SLC8B1: variants seen among roughly 807,000 people sequenced by gnomAD.
SLC8B1 encodes the protein mitochondrial sodium/calcium exchanger protein.
SLC8B1 carries 52 observed loss-of-function variants against 63.4 expected under a neutral mutation model. The ratio of observed to expected loss-of-function variants is 0.82; its 90% CI spans 0.66 to 1.03. SLC8B1 has a LOEUF of 1.03. SLC8B1 is among the 50% of genes least tolerant of loss of function. SLC8B1 has a pLI of 0.00. For missense variants in SLC8B1, 657 were observed against 741.7 expected, an observed-to-expected ratio of 0.89 and a Z score of 1.33; for synonymous variants, 336 against 323.9, an observed-to-expected ratio of 1.04 and a Z score of -0.40.
At chr12:113,303,136 C>T (rs1956619646) in intron 15 of SLC8B1, among the ~76,000 whole-genome samples, 1 of 148,570 alleles carries the variant, frequency 6.7e-6, no homozygotes, top group Non-Finnish European at 1.5e-5. Context: ...CACACACACA[C>T]ACACACGCGC....
rs965854853 is a variant in SLC8B1 at position 113,307,576 on chromosome 12, T to C, written c.1411+115A>G. The C allele has an allele frequency of 1.0e-5, 13 of 1,297,450 alleles. No individual in the cohort carries two copies. The Admixed American group carries it at 1.7e-4, about 17-fold the overall frequency. 80.4% of individuals were successfully genotyped at this position (1,297,450 alleles called of 1,614,324 possible). A position where few individuals can be genotyped will look rare whatever the true frequency, so the allele number is the denominator to read the frequency against. ...ACAGTGACAGGGGACACTGCACAGG[T>C]GCAGAGGGCAGACACCCTGGACACT... On this transcript the variant is annotated intron_variant, in intron 13 of 15. Transcript: ENST00000680972.
At chr12:113,307,545 C>T in intron 13 of SLC8B1, 146 bp downstream of exon 13, 2 of 974,502 alleles carry the variant, frequency 2.1e-6, no homozygotes, top group South Asian at 2.0e-5. Flanking sequence ...CAATGCTGGC[C>T]ACTCCACAGT....
chr12:113,309,231 C>T (rs1167812226), intron 12 of SLC8B1, among the ~76,000 whole-genome samples: 3 of 149,434 alleles, frequency 2.0e-5, no homozygotes, highest in Non-Finnish European at 3.0e-5. Flanking sequence ...TGCCATGATG[C>T]GATCTCATCT....
At chr12:113,307,877 G>A in intron 12 of SLC8B1, 33 bp from the exon 13 acceptor site, 2 of 1,603,122 alleles carry the variant, frequency 1.2e-6, no homozygotes, top group Non-Finnish European at 1.7e-6. Context: ...TGGGACCAAG[G>A]CCAGCCCCAA....
chr12:113,304,348 C>G lies in SLC8B1; in HGVS notation c.1530G>C (p.Gln510His). 1 of 1,614,056 alleles carries G rather than the reference C, an allele frequency of 6.2e-7. No individual in the cohort carries two copies. Among genetic ancestry groups the G allele is most frequent in the Non-Finnish European group, 8.5e-7 (1 of 1,179,948 alleles). ...TCACTTCTGTGTGGCTTCGGGAGAT[C>G]TGGAGCAGGCAGCCCAGCCCCACAC... Reference protein sequence around the residue: ...LVGVGLGCLLQISRSHTEVKL... With the variant: ...LVGVGLGCLLHISRSHTEVKL... The change falls in exon 15 of 16, where the codon CAG becomes CAC. Residue 510 changes from glutamine (Q) to histidine (H), a missense_variant. By Grantham distance (24) the Gln-to-His change is conservative. Coordinates refer to ENST00000680972, the MANE Select transcript of SLC8B1 (RefSeq NM_001358345.2).
intron 2 of SLC8B1, among the ~76,000 whole-genome samples, chr12:113,327,020 T>A (rs1018626374): frequency 1.3e-5 from 2 of 152,092 alleles, no homozygotes; most frequent in Non-Finnish European, 2.9e-5. Flanking sequence ...AAAGCAACAG[T>A]CAGGCTGGGC....
rs568548681 is a variant in SLC8B1 at position 113,322,162 on chromosome 12, T to C, written c.157-814A>G. On this transcript the variant is annotated intron_variant, in intron 2 of 15. Transcript: ENST00000680972. ...GCAATACTGCATTTAGCTTGGGGAA[T>C]AGAATGAGATCTTGTCTCAAAAAAA... Among the ~76,000 whole-genome samples, 12 of 151,790 alleles carry C rather than the reference T, an allele frequency of 7.9e-5. No homozygotes were observed. The South Asian group carries it at 1.5e-3, about 18-fold the overall frequency.
At position 113,308,063 on chromosome 12, in the gene SLC8B1, A is replaced by G; in HGVS notation, c.1258-219T>C. On this transcript the variant is annotated intron_variant, in intron 12 of 15. Transcript: ENST00000680972. Reference sequence around the variant, plus strand: ...TTTTTTCCTTAATAAACTCCCTTTCAGGCCGGGCACGGTGGCTCACCGCCT... The same window carrying G: ...TTTTTTCCTTAATAAACTCCCTTTCGGGCCGGGCACGGTGGCTCACCGCCT... 19 of 527,788 alleles carry G rather than the reference A, an allele frequency of 3.6e-5. 1 individual carries two copies. The South Asian group carries it at 5.2e-4, about 14-fold the overall frequency. The allele number at this position is 527,788 out of a possible 1,614,324, so 32.7% of individuals were successfully genotyped here.
Position 113,321,176 on chromosome 12 carries a change from C to G in SLC8B1, c.309+20G>C, listed in dbSNP as rs115680638. ...GGAGACACCAGCCCCTCTCACCAGC[C>G]CCCCAGGGCAGGGCCTCACGTAGAG... On this transcript the variant is annotated intron_variant, in intron 3 of 15. Transcript: ENST00000680972. 1 of 1,613,860 alleles carries G rather than the reference C, an allele frequency of 6.2e-7. No individual in the cohort carries two copies. The highest frequency in any genetic ancestry group is 8.5e-7 in the Non-Finnish European group (1 of 1,179,908).
chr12:113,310,330 G>C lies in SLC8B1; in HGVS notation c.1161C>G (p.Leu387=). 1 of 1,613,974 alleles carries C rather than the reference G, an allele frequency of 6.2e-7. No individual in the cohort carries two copies. Residue 387 remains leucine, a synonymous_variant, in exon 12 of 16, where the codon CTC becomes CTG. Coordinates refer to ENST00000680972, the MANE Select transcript of SLC8B1 (RefSeq NM_001358345.2). ...TCACCACCACGACCCAGACGGGAACGAGGCCGCCTATCTCATAGACACCAT... is the reference window on the plus strand; with the variant it reads ...TCACCACCACGACCCAGACGGGAACCAGGCCGCCTATCTCATAGACACCAT... ...GTYGVYEIGG[L]VPVWVVVVIA...
chr12:113,327,200 A>C (rs1365333797), intron 2 of SLC8B1, among the ~76,000 whole-genome samples: 4 of 152,178 alleles, frequency 2.6e-5, no homozygotes, highest in Non-Finnish European at 4.4e-5. Context: ...CCAGGGAAGC[A>C]GGCGGGCTGC....
intron 15 of SLC8B1, chr12:113,302,186 A>C (rs1417023428): frequency 3.8e-5 from 6 of 157,416 alleles, no homozygotes; most frequent in African/African-American, 1.4e-4. Context: ...GTTTCAAGAT[A>C]CAATCATCTT....
chr12:113,316,439 C>T, intron 10 of SLC8B1, 87 bp downstream of exon 10: 1 of 1,513,674 alleles, frequency 6.6e-7, no homozygotes, highest in East Asian at 2.3e-5. Context: ...ACCCCAGGCC[C>T]TCCCCCTCGT....
chr12:113,332,848 C>T lies in SLC8B1; in HGVS notation c.31G>A (p.Ala11Thr), dbSNP rs1957074533. Residue 11 changes from alanine to threonine, a missense_variant, in exon 2 of 16, where the codon GCA (alanine) becomes ACA (threonine). Coordinates refer to ENST00000680972, the MANE Select transcript of SLC8B1 (RefSeq NM_001358345.2). ...AGCAGCACACAAAGCACACTCAGTG[C>T]CCAGCGCAGATTCAGCCTTCTGCCG... MAGRRLNLRW[A>T]LSVLCVLLMA... 1.2e-6 allele frequency: 2 copies of T among 1,614,186 alleles called. No homozygotes were observed. The highest frequency in any genetic ancestry group is 1.3e-5 in the African/African-American group (1 of 75,078).
chr12:113,308,118 G>A (rs913894571), intron 12 of SLC8B1: 13 of 300,954 alleles, frequency 4.3e-5, no homozygotes, highest in Non-Finnish European at 6.8e-5. Context: ...AGGCCGAGGC[G>A]GGCAGATCAC....
At chr12:113,303,630 T>C (rs1437870071) in intron 15 of SLC8B1, among the ~76,000 whole-genome samples, 1 of 152,174 alleles carries the variant, frequency 6.6e-6, no homozygotes, top group African/African-American at 2.4e-5. Flanking sequence ...TGTTTGCATG[T>C]GAGGCAGATT....
rs566677866 is a variant in SLC8B1, at chr12:113,299,323, T to G, written c.*454A>C. 8.2e-4 allele frequency: 155 copies of G among 188,038 alleles called. No individual in the cohort carries two copies. Among genetic ancestry groups the G allele is most frequent in the African/African-American group, 3.3e-3 (145 of 43,458 alleles). 11.6% of individuals were successfully genotyped at this position (188,038 alleles called of 1,614,324 possible). On this transcript the variant is annotated 3_prime_UTR_variant, in exon 16 of 16. Transcript: ENST00000680972. ...TGATTCCCAGGGGTCCAAGCCACCC[T>G]CATTCTCTGAGTCAGGGTTGGGCAG... is the stretch of plus-strand genomic sequence containing the variant.
chr12:113,312,342 G>A (rs1038836308), intron 11 of SLC8B1, among the ~76,000 whole-genome samples: 2 of 152,208 alleles, frequency 1.3e-5, no homozygotes, highest in African/African-American at 4.8e-5. Context: ...ACTGAGGCAG[G>A]AGAATCATTT....
intron 9 of SLC8B1, 71 bp downstream of exon 9, chr12:113,316,871 G>A (rs190342887): frequency 3.9e-6 from 6 of 1,555,656 alleles, no homozygotes; most frequent in East Asian, 2.3e-5. Context: ...AGGTCTTGGA[G>A]GGCCCCATCT....
Sources: gnomAD v4.1 joint callset for allele counts (sites outside exome capture counted in the v4.1 genomes callset) on GRCh38, gnomAD v4.1.1 for gene constraint, MANE v1.5 for transcripts, NCBI Gene and HGNC (gene_info 2026-07-23, HGNC 2026-07-21) for gene names.